Variants in SMYD2 observed in about 807,000 individuals in gnomAD.
SMYD2 encodes the protein SET and MYND domain containing 2.
SMYD2 carries 53 observed loss-of-function variants against 59.1 expected under a neutral mutation model. That is an observed-to-expected ratio of 0.90 (90% CI 0.72 to 1.13). The LOEUF (loss-of-function observed/expected upper bound fraction) is 1.13, where lower values mean the gene tolerates loss of function less well. Ranked by LOEUF, SMYD2 falls within the 50% of genes most tolerant of loss-of-function variation. The pLI, the probability that SMYD2 is intolerant of heterozygous loss-of-function variation, is 0.00. For missense variants in SMYD2, 494 were observed against 544.7 expected (o/e 0.91, Z 0.93); for synonymous variants, 208 against 198.8 (o/e 1.05, Z -0.39).
intron 1 of SMYD2, among the ~76,000 whole-genome samples, chr1:214,282,018 G>A (rs1440320942): frequency 6.6e-6 from 1 of 152,252 alleles, no homozygotes; most frequent in African/African-American, 2.4e-5. Flanking sequence ...CTGAGGTGCT[G>A]CGACGATGAG....
At chr1:214,288,641 T>G (rs908082865) in intron 1 of SMYD2, among the ~76,000 whole-genome samples, 1 of 152,254 alleles carries the variant, frequency 6.6e-6, no homozygotes. Context: ...ATTTAAAGTT[T>G]TAAAAAATGT....
At chr1:214,319,093 C>T in intron 5 of SMYD2, 110 bp downstream of exon 5, 1 of 1,403,324 alleles carries the variant, frequency 7.1e-7, no homozygotes, top group South Asian at 1.3e-5. Context: ...TGGCATCTTC[C>T]TGACAACGAA....
At chr1:214,302,471 A>G (rs1656841798) in intron 1 of SMYD2, among the ~76,000 whole-genome samples, 1 of 152,212 alleles carries the variant, frequency 6.6e-6, no homozygotes, top group South Asian at 2.1e-4. Flanking sequence ...ACAGTGAGAA[A>G]AAAAGCAAAT....
chr1:214,336,742 T>C lies in SMYD2; in HGVS notation c.1260T>C (p.His420=). The C allele has an allele frequency of 6.2e-7, 1 of 1,613,866 alleles. No individual in the cohort carries two copies. Among genetic ancestry groups the C allele is most frequent in the Non-Finnish European group, 8.5e-7 (1 of 1,179,974 alleles). Residue 420 remains histidine (H), a synonymous_variant, in exon 12 of 12, where the codon CAT becomes CAC. Transcript: ENST00000366957. ...AIMEVAHGKD[H]PYISEIKQEI... is the part of the protein sequence containing the mutation. ...TGGAAGTAGCTCACGGCAAAGATCA[T>C]CCATATATTTCTGAGATCAAACAGG...
intron 1 of SMYD2, among the ~76,000 whole-genome samples, chr1:214,283,214 A>G (rs545136636): frequency 1.2e-3 from 189 of 152,318 alleles, no homozygotes; most frequent in South Asian, 6.2e-3. Flanking sequence ...ACATTAATGG[A>G]TGGTCAGATG....
In SMYD2 at chr1:214,281,168, C is replaced by A. The variant is rs986823373; in HGVS notation, c.-87C>A. On this transcript the variant is annotated 5_prime_UTR_variant, in exon 1 of 12. Coordinates refer to ENST00000366957, the MANE Select transcript of SMYD2 (RefSeq NM_020197.3). ...CCGCCGGGCGGCTCCCACCCCGCCC[C>A]CCGCAGCTCTAGGTGACGCGTCTCC... 3.8e-6 allele frequency: 4 copies of A among 1,046,992 alleles called. No homozygotes were observed. In the Admixed American group the frequency reaches 1.8e-4, roughly 47 times the overall value. The allele number at this position is 1,046,992 out of a possible 1,614,324, so 64.9% of individuals were successfully genotyped here.
At chr1:214,319,969 T>G (rs1414432323) in intron 5 of SMYD2, among the ~76,000 whole-genome samples, 1 of 152,208 alleles carries the variant, frequency 6.6e-6, no homozygotes, top group Non-Finnish European at 1.5e-5. Context: ...GTCCTAAGGA[T>G]ATAATCAGAA....
chr1:214,287,459 C>T (rs1174116440), intron 1 of SMYD2, among the ~76,000 whole-genome samples: 1 of 151,234 alleles, frequency 6.6e-6, no homozygotes, highest in Non-Finnish European at 1.5e-5. Flanking sequence ...TAGTGGCGGG[C>T]GCCTGTAATC....
chr1:214,329,288 C>T (rs1304522100), intron 7 of SMYD2, among the ~76,000 whole-genome samples: 1 of 152,130 alleles, frequency 6.6e-6, no homozygotes, highest in Admixed American at 6.5e-5. Context: ...GCTGCCCCTG[C>T]AGCACCCAGC....
At chr1:214,304,637 T>C (rs770129054) in intron 1 of SMYD2, among the ~76,000 whole-genome samples, 1 of 149,086 alleles carries the variant, frequency 6.7e-6, no homozygotes, top group African/African-American at 2.5e-5. Flanking sequence ...CTGGACAACA[T>C]TCGAATAGTC....
intron 1 of SMYD2, among the ~76,000 whole-genome samples, chr1:214,295,934 A>G (rs1050065906): frequency 6.6e-6 from 1 of 152,154 alleles, no homozygotes. Context: ...ATTTCAACCT[A>G]TGGTGAAGTT....
chr1:214,298,257 A>G (rs551611806), intron 1 of SMYD2, among the ~76,000 whole-genome samples: 13 of 152,180 alleles, frequency 8.5e-5, no homozygotes, highest in Non-Finnish European at 1.8e-4. Flanking sequence ...CTGCACACCT[A>G]CAGTCATCTA....
intron 2 of SMYD2, among the ~76,000 whole-genome samples, chr1:214,314,037 C>T (rs577004339): frequency 6.6e-5 from 10 of 152,168 alleles, no homozygotes; most frequent in African/African-American, 2.2e-4. Context: ...ATTAGCCGGG[C>T]GTAGTGGCAC....
chr1:214,320,337 C>G (rs1351774026), intron 5 of SMYD2, among the ~76,000 whole-genome samples: 1 of 152,100 alleles, frequency 6.6e-6, no homozygotes, highest in African/African-American at 2.4e-5. Context: ...AGTTGTCTTC[C>G]GAGTTGTGGA....
chr1:214,330,334 T>C, intron 8 of SMYD2, 56 bp downstream of exon 8: 1 of 1,216,882 alleles, frequency 8.2e-7, no homozygotes, highest in South Asian at 1.4e-5. Flanking sequence ...AGGACCTCTC[T>C]GCTGAAGAGC....
At chr1:214,311,401 G>A (rs1400406170) in intron 2 of SMYD2, among the ~76,000 whole-genome samples, 1 of 152,218 alleles carries the variant, frequency 6.6e-6, no homozygotes, top group Admixed American at 6.5e-5. Context: ...GTTGGAAGGT[G>A]TAAACTCACA....
intron 2 of SMYD2, among the ~76,000 whole-genome samples, chr1:214,307,577 A>G (rs1656934079): frequency 6.6e-6 from 1 of 152,204 alleles, no homozygotes; most frequent in South Asian, 2.1e-4. Flanking sequence ...CAGTGTATTA[A>G]TGAGTACCAT....
At chr1:214,287,622 C>T (rs1021105726) in intron 1 of SMYD2, among the ~76,000 whole-genome samples, 12 of 145,356 alleles carry the variant, frequency 8.3e-5, no homozygotes, top group African/African-American at 3.0e-4. Flanking sequence ...GGCCTGTTGA[C>T]CCATAGCCAC....
chr1:214,293,650 C>T (rs1656674338), intron 1 of SMYD2, among the ~76,000 whole-genome samples: 1 of 152,152 alleles, frequency 6.6e-6, no homozygotes, highest in Non-Finnish European at 1.5e-5. Flanking sequence ...ATATTTACCA[C>T]TCTCATGTAG....
Sources: gnomAD v4.1 joint callset for allele counts (sites outside exome capture counted in the v4.1 genomes callset) on GRCh38, gnomAD v4.1.1 for gene constraint, MANE v1.5 for transcripts, NCBI Gene and HGNC (gene_info 2026-07-23, HGNC 2026-07-21) for gene names.